The following GLCCI1 variants were observed in gnomAD, a reference collection of about 807,000 sequenced individuals.
GLCCI1 encodes glucocorticoid induced 1.
GLCCI1 carries 24 observed loss-of-function variants against 52.2 expected under a neutral mutation model. That is an observed-to-expected ratio of 0.46 (90% CI 0.33 to 0.65). The LOEUF is 0.65. GLCCI1 is among the 30% of genes least tolerant of loss of function. GLCCI1 has a pLI of 0.02. For synonymous variants in GLCCI1, 310 were observed against 276.5 expected, an observed-to-expected ratio of 1.12 and a Z score of -1.20; for missense variants, 704 against 701.5, an observed-to-expected ratio of 1.00 and a Z score of -0.04.
At chr7:7,978,212 A>G (rs1462003626) in intron 1 of GLCCI1, among the ~76,000 whole-genome samples, 1 of 152,176 alleles carries the variant, frequency 6.6e-6, no homozygotes, top group East Asian at 1.9e-4. Flanking sequence ...AAATTTCAAA[A>G]TCTGGGTAGA....
chr7:8,047,403 C>T (rs1782155423), intron 3 of GLCCI1, among the ~76,000 whole-genome samples: 1 of 152,156 alleles, frequency 6.6e-6, no homozygotes, highest in African/African-American at 2.4e-5. Flanking sequence ...ATGTATAAAG[C>T]ATTAAGTAGG....
chr7:8,055,464 G>C lies in GLCCI1; in HGVS notation c.728G>C (p.Arg243Pro). The C allele has an allele frequency of 1.9e-6, 3 of 1,613,486 alleles. No homozygotes were observed. The highest frequency in any genetic ancestry group is 1.7e-6 in the Non-Finnish European group (2 of 1,179,588). The change falls in exon 4 of 8, where the codon CGC (arginine) becomes CCC (proline). Residue 243 changes from arginine to proline, a missense_variant. By Grantham distance (103) the Arg-to-Pro change is moderately radical (BLOSUM62 -2). Coordinates refer to ENST00000223145, the MANE Select transcript of GLCCI1 (RefSeq NM_138426.4). ...QIAKLRQQLQ[R>P]SKQSSRHSKE... ...GCCAAACTGAGGCAGCAACTACAAC[G>C]CAGTAAACAGAGTAGTCGTCACAGT...
At chr7:8,017,239 A>G (rs1781397211) in intron 2 of GLCCI1, among the ~76,000 whole-genome samples, 1 of 152,126 alleles carries the variant, frequency 6.6e-6, no homozygotes, top group South Asian at 2.1e-4. Flanking sequence ...TGGTGTGAAA[A>G]ATATTTTTGG....
At chr7:8,003,369 T>A (rs1298082746) in intron 1 of GLCCI1, among the ~76,000 whole-genome samples, 1 of 152,168 alleles carries the variant, frequency 6.6e-6, no homozygotes, top group Non-Finnish European at 1.5e-5. Flanking sequence ...TATTTTACCT[T>A]TGGAAAAACA....
At chr7:7,998,863 C>G (rs1031889183) in intron 1 of GLCCI1, among the ~76,000 whole-genome samples, 4 of 152,058 alleles carry the variant, frequency 2.6e-5, no homozygotes, top group African/African-American at 9.7e-5. Flanking sequence ...TTTAATGTCT[C>G]TAAATAGGTT....
At chr7:8,024,364 A>G (rs1247655951) in intron 3 of GLCCI1, among the ~76,000 whole-genome samples, 2 of 152,262 alleles carry the variant, frequency 1.3e-5, no homozygotes, top group Non-Finnish European at 2.9e-5. Context: ...AGCAACAACA[A>G]AAAATAAATG....
chr7:8,042,719 A>G (rs528191864), intron 3 of GLCCI1, among the ~76,000 whole-genome samples: 4 of 152,198 alleles, frequency 2.6e-5, no homozygotes, highest in African/African-American at 9.6e-5. Context: ...ATTGCTTCTT[A>G]CGGATGAGCA....
At position 8,009,571 on chromosome 7, in the gene GLCCI1, G is replaced by A. The variant is rs1264986305; in HGVS notation, c.609+5512G>A. ...TAAGTGTGGCCATGAGACTTGATTT[G>A]GGAAGATGCTTTAAAGAACTGGTGC... is the stretch of plus-strand genomic sequence containing the variant. On this transcript the variant is annotated intron_variant, in intron 2 of 7. Coordinates refer to ENST00000223145, the MANE Select transcript of GLCCI1 (RefSeq NM_138426.4). Among the ~76,000 whole-genome samples, 7 of 152,256 alleles carry A rather than the reference G, an allele frequency of 4.6e-5. No individual in the cohort carries two copies. In the East Asian group the frequency reaches 1.4e-3, roughly 29 times the overall value.
intron 1 of GLCCI1, among the ~76,000 whole-genome samples, chr7:7,976,235 T>A (rs1780466447): frequency 6.6e-6 from 1 of 151,760 alleles, no homozygotes; most frequent in East Asian, 1.9e-4. Context: ...TCCCAGCACT[T>A]TGGGAGGCTG....
At chr7:8,068,397 A>AG (rs1179488766) in intron 5 of GLCCI1, among the ~76,000 whole-genome samples, 1 of 152,236 alleles carries the variant, frequency 6.6e-6, no homozygotes, top group African/African-American at 2.4e-5. Context: ...CCAGTCTTCA[A>AG]GCTCTGAGAT....
intron 6 of GLCCI1, chr7:8,078,511 A>G (rs1782922696): frequency 6.6e-6 from 1 of 152,254 alleles, no homozygotes; most frequent in Non-Finnish European, 1.5e-5. Context: ...TATATAATTC[A>G]TTCTACAAAC....
chr7:7,992,108 TC>T (rs1301719161), intron 1 of GLCCI1, among the ~76,000 whole-genome samples: 14 of 38,542 alleles, frequency 3.6e-4, no homozygotes, highest in East Asian at 1.2e-3. Context: ...TCTGTCTGTT[TC>T]TCTCTCTCTC....
intron 1 of GLCCI1, among the ~76,000 whole-genome samples, chr7:7,975,100 G>C (rs1780437397): frequency 6.6e-6 from 1 of 152,114 alleles, no homozygotes; most frequent in South Asian, 2.1e-4. Context: ...ATTTCCCTCT[G>C]CTCTTCATTT....
At chr7:8,058,720 A>G (rs748654786) in intron 4 of GLCCI1, among the ~76,000 whole-genome samples, 2 of 152,212 alleles carry the variant, frequency 1.3e-5, no homozygotes, top group African/African-American at 2.4e-5. Flanking sequence ...TTGATTACCT[A>G]TTTGATAAAA....
chr7:7,994,859 T>C (rs1780908095), intron 1 of GLCCI1, among the ~76,000 whole-genome samples: 1 of 152,204 alleles, frequency 6.6e-6, no homozygotes, highest in Non-Finnish European at 1.5e-5. Context: ...TACATAGATA[T>C]ACATAGAGAT....
At chr7:8,061,895 C>G (rs1020942185) in intron 5 of GLCCI1, among the ~76,000 whole-genome samples, 1 of 151,754 alleles carries the variant, frequency 6.6e-6, no homozygotes, top group South Asian at 2.1e-4. Flanking sequence ...TCGAACTCCT[C>G]ACCTCAAGTG....
chr7:8,043,371 T>G (rs1211687144), intron 3 of GLCCI1, among the ~76,000 whole-genome samples: 2 of 151,348 alleles, frequency 1.3e-5, no homozygotes, highest in Non-Finnish European at 2.9e-5. Flanking sequence ...TAGAGTAGGT[T>G]TGACTATGTT....
intron 3 of GLCCI1, among the ~76,000 whole-genome samples, chr7:8,046,844 A>C (rs1269284750): frequency 6.6e-6 from 1 of 152,164 alleles, no homozygotes; most frequent in Admixed American, 6.5e-5. Flanking sequence ...ACAGAGTTTG[A>C]CTTTTTTTGT....
Position 8,060,030 on chromosome 7 carries a change from A to G in GLCCI1, c.814-66A>G, listed in dbSNP as rs114037265. The G allele has an allele frequency of 5.4e-4, 707 of 1,300,566 alleles. 6 individuals are homozygous for G. In the African/African-American group the frequency reaches 1.0e-2, roughly 18 times the overall value. The allele number at this position is 1,300,566 out of a possible 1,614,324, so 80.6% of individuals were successfully genotyped here. A position where few individuals can be genotyped will look rare whatever the true frequency, so the allele number is the denominator to read the frequency against. On this transcript the variant is annotated intron_variant, in intron 4 of 7. Transcript: ENST00000223145. ...TTGAGTTTCAATTTTAATATTTACC[A>G]TACTCTTTAGTTCTTGATTGCTTTG... is the stretch of plus-strand genomic sequence containing the variant.
Sources: gnomAD v4.1 joint callset for allele counts (sites outside exome capture counted in the v4.1 genomes callset) on GRCh38, gnomAD v4.1.1 for gene constraint, MANE v1.5 for transcripts, NCBI Gene and HGNC (gene_info 2026-07-23, HGNC 2026-07-21) for gene names.